Variants in EFR3B observed in about 807,000 individuals in gnomAD.
EFR3B encodes the protein EFR3 homolog B.
EFR3B carries 64 observed loss-of-function variants against 104.7 expected under a neutral mutation model. That is an observed-to-expected ratio of 0.61 (90% CI 0.50 to 0.75). The LOEUF is 0.75. Ranked by LOEUF, EFR3B falls within the 30% of genes least tolerant of loss-of-function variation. The pLI, the probability that EFR3B is intolerant of heterozygous loss-of-function variation, is 0.00. For synonymous variants in EFR3B, 385 were observed against 417.9 expected, an observed-to-expected ratio of 0.92 and a Z score of 0.96; for missense variants, 750 against 1,078.5, an observed-to-expected ratio of 0.70 and a Z score of 4.27.
In EFR3B at chr2:25,156,362, A is replaced by G. The variant is rs1671170849; in HGVS notation, c.*2022A>G. ...ACCCAGGCTGGAGTACAATGGTGTGACCTCAACTCACTGTGACTTCCGCCT... is the reference window on the plus strand; with the variant it reads ...ACCCAGGCTGGAGTACAATGGTGTGGCCTCAACTCACTGTGACTTCCGCCT... On this transcript the variant is annotated 3_prime_UTR_variant, in exon 23 of 23. Coordinates refer to ENST00000403714, the MANE Select transcript of EFR3B (RefSeq NM_014971.2). 1 of 122,310 alleles carries G rather than the reference A, an allele frequency of 8.2e-6. No homozygotes were observed. Among genetic ancestry groups the G allele is most frequent in the Non-Finnish European group, 1.6e-5 (1 of 63,318 alleles). The allele number at this position is 122,310 out of a possible 1,614,324, so 7.6% of individuals were successfully genotyped here.
intron 1 of EFR3B, among the ~76,000 whole-genome samples, chr2:25,084,137 A>G (rs1668883969): frequency 6.6e-6 from 1 of 152,140 alleles, no homozygotes; most frequent in Non-Finnish European, 1.5e-5. Context: ...CAGTTTTCTC[A>G]TCTATAAAAT....
At chr2:25,104,797 A>G (rs1182903851) in intron 4 of EFR3B, among the ~76,000 whole-genome samples, 1 of 152,224 alleles carries the variant, frequency 6.6e-6, no homozygotes, top group Non-Finnish European at 1.5e-5. Context: ...CAGTCTTTTC[A>G]TCAGTACCAT....
chr2:25,143,126 G>A (rs1670719767), intron 17 of EFR3B, among the ~76,000 whole-genome samples: 1 of 151,892 alleles, frequency 6.6e-6, no homozygotes, highest in Admixed American at 6.6e-5. Context: ...TGAGGTAGGA[G>A]AATGGTGTGA....
At chr2:25,083,206 T>C (rs1668857990) in intron 1 of EFR3B, among the ~76,000 whole-genome samples, 1 of 152,188 alleles carries the variant, frequency 6.6e-6, no homozygotes, top group African/African-American at 2.4e-5. Flanking sequence ...AAGAGGATCC[T>C]TCATAAATTT....
intron 4 of EFR3B, among the ~76,000 whole-genome samples, chr2:25,109,589 T>C (rs532911990): frequency 6.6e-6 from 1 of 152,324 alleles, no homozygotes; most frequent in African/African-American, 2.4e-5. Context: ...AGCAACACTA[T>C]TCACAAGAGC....
intron 4 of EFR3B, among the ~76,000 whole-genome samples, chr2:25,118,051 C>T (rs1049790789): frequency 6.6e-6 from 1 of 152,198 alleles, no homozygotes; most frequent in African/African-American, 2.4e-5. Context: ...GTGATCTTGG[C>T]TTACTACAAC....
chr2:25,141,451 G>GA lies in EFR3B; in HGVS notation c.1922+19dup. On this transcript the variant is annotated intron_variant, in intron 17 of 22. Transcript: ENST00000403714. ...AGGCCCAGGTGAGGAGAGGACGGGGGACGTGGTCAGGGATCCCCAGGGCAG... is the reference window on the plus strand; with the variant it reads ...AGGCCCAGGTGAGGAGAGGACGGGGGAACGTGGTCAGGGATCCCCAGGGCAG... The GA allele has an allele frequency of 1.3e-6, 2 of 1,550,640 alleles. No homozygotes were observed. Among genetic ancestry groups the GA allele is most frequent in the Non-Finnish European group, 1.7e-6 (2 of 1,146,564 alleles).
rs1303169611 is a variant in EFR3B at position 25,145,018 on chromosome 2, G to A, written c.2109G>A (p.Glu703=). The change falls in exon 19 of 23, where the codon GAG becomes GAA. Residue 703 remains glutamate, a synonymous_variant. Transcript: ENST00000403714. ...GAGAGACCATCTCCCTGCAGGTGGAGGTAGAATCGAGGAACAGTCCGGAGA... is the reference window on the plus strand; with the variant it reads ...GAGAGACCATCTCCCTGCAGGTGGAAGTAGAATCGAGGAACAGTCCGGAGA... The part of the protein sequence containing the change: ...SIGETISLQV[E]VESRNSPEKE... 1.3e-6 allele frequency: 2 copies of A among 1,551,750 alleles called. No individual in the cohort carries two copies. The highest frequency in any genetic ancestry group is 8.7e-7 in the Non-Finnish European group (1 of 1,146,996).
intron 1 of EFR3B, among the ~76,000 whole-genome samples, chr2:25,090,015 A>G (rs1373079965): frequency 6.6e-6 from 1 of 151,228 alleles, no homozygotes; most frequent in African/African-American, 2.4e-5. Flanking sequence ...CCCCCTCCCA[A>G]TCAAAACTCC....
chr2:25,055,607 C>G (rs1667996547), intron 1 of EFR3B, among the ~76,000 whole-genome samples: 1 of 152,206 alleles, frequency 6.6e-6, no homozygotes, highest in South Asian at 2.1e-4. Context: ...CTTTCCATAT[C>G]CCCACTTTCT....
intron 20 of EFR3B, among the ~76,000 whole-genome samples, chr2:25,151,467 G>C (rs1291121621): frequency 6.6e-6 from 1 of 152,030 alleles, no homozygotes; most frequent in Non-Finnish European, 1.5e-5. Context: ...TGATGGCCAG[G>C]CTGGTCTCAA....
chr2:25,079,508 A>G (rs1324463078), intron 1 of EFR3B, among the ~76,000 whole-genome samples: 4 of 152,232 alleles, frequency 2.6e-5, no homozygotes, highest in African/African-American at 9.6e-5. Context: ...TACGAGACTT[A>G]TATGAAATAT....
At chr2:25,052,450 A>C (rs1667897298) in intron 1 of EFR3B, among the ~76,000 whole-genome samples, 1 of 150,880 alleles carries the variant, frequency 6.6e-6, no homozygotes, top group Non-Finnish European at 1.5e-5. Context: ...AGTTACTGTT[A>C]ATGTGGCTTC....
At chr2:25,124,256 A>G (rs909232387) in intron 5 of EFR3B, among the ~76,000 whole-genome samples, 1 of 147,952 alleles carries the variant, frequency 6.8e-6, no homozygotes, top group Non-Finnish European at 1.5e-5. Context: ...CCTTGGGTCC[A>G]GCAGTGGGCC....
chr2:25,080,283 CTTTTTTTTTTTTTTTT>C (rs563438610), intron 1 of EFR3B: 43 of 154,926 alleles, frequency 2.8e-4, no homozygotes, highest in East Asian at 5.4e-4. Flanking sequence ...CTCCCCAAAG[CTTTTTTTTTTTTTTTT>C]TTTTTTTTTT....
intron 12 of EFR3B, among the ~76,000 whole-genome samples, chr2:25,133,722 G>A (rs1183191591): frequency 1.3e-5 from 2 of 152,106 alleles, no homozygotes; most frequent in African/African-American, 4.8e-5. Context: ...GTCTTGAGAC[G>A]GAATCTGTTG....
intron 3 of EFR3B, 112 bp downstream of exon 3, chr2:25,093,242 C>A (rs1407393421): frequency 1.4e-6 from 2 of 1,393,370 alleles, no homozygotes; most frequent in African/African-American, 1.5e-5. Flanking sequence ...CGCCTGTAAT[C>A]CCAGCGCTTT....
rs979232000 is a variant in EFR3B at position 25,080,280 on chromosome 2, A to G, written c.8-11045A>G. ...GGAAGCTGGCTGGAGTCCCTCCCCA[A>G]AGCTTTTTTTTTTTTTTTTTTTTTT... On this transcript the variant is annotated intron_variant, in intron 1 of 22. Transcript: ENST00000403714. The G allele has an allele frequency of 6.3e-5, 33 of 520,066 alleles. 1 individual carries two copies. The highest frequency in any genetic ancestry group is 9.2e-5 in the Non-Finnish European group (30 of 324,872). The allele number at this position is 520,066 out of a possible 1,614,324, so 32.2% of individuals were successfully genotyped here. A position where few individuals can be genotyped will look rare whatever the true frequency, so the allele number is the denominator to read the frequency against.
intron 4 of EFR3B, among the ~76,000 whole-genome samples, chr2:25,110,909 G>A (rs1303656612): frequency 2.0e-5 from 3 of 152,078 alleles, no homozygotes; most frequent in Non-Finnish European, 2.9e-5. Context: ...TAGCAGCTTC[G>A]CAACCTCTCT....
Sources: allele counts gnomAD v4.1 joint callset (sites outside exome capture counted in the v4.1 genomes callset), GRCh38; gene constraint gnomAD v4.1.1; transcripts MANE v1.5; gene names NCBI Gene and HGNC (gene_info 2026-07-23, HGNC 2026-07-21).